Variants in TEX11 observed in about 807,000 individuals in gnomAD.
TEX11 encodes the protein testis expressed 11, also known as testis-expressed protein 11.
TEX11 carries 7 observed loss-of-function variants against 84.4 expected under a neutral mutation model. The ratio of observed to expected loss-of-function variants is 0.08; its 90% CI spans 0.05 to 0.16. The LOEUF is 0.16. TEX11 is among the 10% of genes least tolerant of loss of function. The probability of loss-of-function intolerance (pLI) is 1.00; values close to 1 mark genes in which losing one functional copy is unlikely to be tolerated. For missense variants in TEX11, 551 were observed against 660.5 expected (o/e 0.83, Z 1.82); for synonymous variants, 264 against 222.8 (o/e 1.18, Z -1.64).
At chrX:70,690,871 A>G (rs1295426595) in intron 13 of TEX11, among the ~76,000 whole-genome samples, 2 of 111,822 alleles carry the variant, frequency 1.8e-5, no homozygotes, top group East Asian at 5.5e-4. Flanking sequence ...AAATACACCA[A>G]GAAAACAATC....
At chrX:70,807,224 G>A (rs2091224415) in intron 8 of TEX11, among the ~76,000 whole-genome samples, 2 of 106,772 alleles carry the variant, frequency 1.9e-5, no homozygotes, top group Non-Finnish European at 3.8e-5. Context: ...CACTATTGAC[G>A]AGGAGTGAGG....
chrX:70,715,118 G>T (rs1006046591), intron 13 of TEX11, among the ~76,000 whole-genome samples: 4 of 110,656 alleles, frequency 3.6e-5, no homozygotes, highest in Non-Finnish European at 7.5e-5. Flanking sequence ...TTGAATATTG[G>T]CCCCCACACT....
At chrX:70,711,750 T>C (rs1366908881) in intron 13 of TEX11, among the ~76,000 whole-genome samples, 1 of 111,622 alleles carries the variant, frequency 9.0e-6, no homozygotes, top group Non-Finnish European at 1.9e-5. Flanking sequence ...GCCTGTTCAC[T>C]CTGATGGTAG....
chrX:70,583,629 T>C (rs774430849), intron 25 of TEX11, among the ~76,000 whole-genome samples: 4 of 112,153 alleles, frequency 3.6e-5, no homozygotes, highest in Non-Finnish European at 7.5e-5. Flanking sequence ...AGATACCTAG[T>C]AATGGCATTG....
Position 70,623,934 on chromosome X carries a change from T to C in TEX11, c.1751+16A>G, listed in dbSNP as rs551620680. On this transcript the variant is annotated intron_variant, in intron 20 of 29. Transcript: ENST00000374333. Reference sequence around the variant, plus strand: ...TGTCTAATGGGGAATACATCATTTTTGTTGAAATAACTCACTTATCTTCAG... The same window carrying C: ...TGTCTAATGGGGAATACATCATTTTCGTTGAAATAACTCACTTATCTTCAG... 1.2e-4 allele frequency: 142 copies of C among 1,189,386 alleles called. No individual in the cohort carries two copies. In the South Asian group the frequency reaches 2.6e-3, roughly 22 times the overall value.
At chrX:70,696,031 G>T (rs1406593292) in intron 13 of TEX11, among the ~76,000 whole-genome samples, 1 of 111,350 alleles carries the variant, frequency 9.0e-6, no homozygotes, top group East Asian at 2.8e-4. Flanking sequence ...CCATTTCAGG[G>T]TATGAAAACT....
chrX:70,772,528 T>C (rs981442535), intron 9 of TEX11, among the ~76,000 whole-genome samples: 2 of 111,175 alleles, frequency 1.8e-5, no homozygotes, highest in Non-Finnish European at 3.8e-5. Flanking sequence ...TGAGTCGTGA[T>C]CACAACACTG....
chrX:70,763,097 A>T (rs1264889745), intron 9 of TEX11, among the ~76,000 whole-genome samples: 1 of 112,298 alleles, frequency 8.9e-6, no homozygotes, highest in Non-Finnish European at 1.9e-5. Context: ...CAGCAATCCC[A>T]CTACTGGGTA....
At chrX:70,635,511 G>A (rs996949524) in intron 17 of TEX11, among the ~76,000 whole-genome samples, 7 of 111,808 alleles carry the variant, frequency 6.3e-5, no homozygotes, top group Non-Finnish European at 9.4e-5. Context: ...CCCAGGCTTT[G>A]GGCCTGTCCC....
At chrX:70,714,257 A>C (rs1021305418) in intron 13 of TEX11, among the ~76,000 whole-genome samples, 1 of 111,456 alleles carries the variant, frequency 9.0e-6, no homozygotes, top group Non-Finnish European at 1.9e-5. Context: ...GCTGAAAAGA[A>C]TGTATATTCT....
chrX:70,654,888 C>G (rs2089848603), intron 16 of TEX11, among the ~76,000 whole-genome samples: 1 of 109,342 alleles, frequency 9.1e-6, no homozygotes, highest in Non-Finnish European at 1.9e-5. Context: ...AGAAGTGGCA[C>G]ACCTAAAATA....
In TEX11 at chrX:70,678,892, GAA is replaced by G. The variant is rs55853716; in HGVS notation, c.1157-5_1157-4del. 52,432 of 652,459 alleles carry G rather than the reference GAA, an allele frequency of 0.08. 7 individuals carry two copies. The highest frequency in any genetic ancestry group is 0.12 in the Admixed American group (3,054 of 24,690). 53.8% of individuals were successfully genotyped at this position (652,459 alleles called of 1,213,427 possible). On this transcript the variant is annotated splice_region_variant and splice_polypyrimidine_tract_variant and intron_variant, in intron 14 of 29. Transcript: ENST00000374333. ...CAGTTGTCTTCCTGTTTGGTGAGCT[GAA>G]AAAAAAAAAAAGCTCTGAAAATAAG...
chrX:70,743,551 A>C (rs2090747295), intron 10 of TEX11, among the ~76,000 whole-genome samples: 1 of 111,455 alleles, frequency 9.0e-6, no homozygotes, highest in Non-Finnish European at 1.9e-5. Flanking sequence ...AGTTGGGGAA[A>C]AATCTGCAAC....
intron 7 of TEX11, among the ~76,000 whole-genome samples, chrX:70,840,877 C>A (rs1569453236): frequency 9.0e-6 from 1 of 111,000 alleles, no homozygotes; most frequent in Non-Finnish European, 1.9e-5. Flanking sequence ...TCAAAAGAGA[C>A]AAAGAAGGCC....
chrX:70,616,496 C>G (rs1339423096), intron 20 of TEX11, among the ~76,000 whole-genome samples: 1 of 111,262 alleles, frequency 9.0e-6, no homozygotes, highest in Non-Finnish European at 1.9e-5. Context: ...AGAGAAAAAT[C>G]ACCTTCACTA....
At chrX:70,565,813 A>G (rs1341230285) in intron 25 of TEX11, among the ~76,000 whole-genome samples, 2 of 111,573 alleles carry the variant, frequency 1.8e-5, no homozygotes, top group East Asian at 5.6e-4. Context: ...GTAGCCTTGT[A>G]GTATAGTTTG....
chrX:70,548,312 A>C (rs1161670068), intron 28 of TEX11, among the ~76,000 whole-genome samples: 1 of 109,877 alleles, frequency 9.1e-6, no homozygotes, highest in Non-Finnish European at 1.9e-5. Flanking sequence ...AGATATACCT[A>C]ATGCTAAATG....
intron 17 of TEX11, among the ~76,000 whole-genome samples, chrX:70,638,477 T>C (rs77264637): frequency 9.0e-6 from 1 of 111,203 alleles, no homozygotes; most frequent in African/African-American, 3.3e-5. Context: ...CTTGTCTTAC[T>C]AGAAACTAAC....
chrX:70,809,374 A>C (rs747228313), intron 8 of TEX11, among the ~76,000 whole-genome samples: 1 of 112,129 alleles, frequency 8.9e-6, no homozygotes, highest in Non-Finnish European at 1.9e-5. Flanking sequence ...TATTCATATA[A>C]ACACTGGAGT....
Sources: gnomAD v4.1 joint callset for allele counts (sites outside exome capture counted in the v4.1 genomes callset) on GRCh38, gnomAD v4.1.1 for gene constraint, MANE v1.5 for transcripts, NCBI Gene and HGNC (gene_info 2026-07-23, HGNC 2026-07-21) for gene names.